The following CATSPERB variants were observed in gnomAD, a reference collection of about 807,000 sequenced individuals.
The protein encoded by CATSPERB is cation channel sperm-associated auxiliary subunit beta.
CATSPERB carries 93 observed loss-of-function variants against 128.3 expected under a neutral mutation model. That is an observed-to-expected ratio of 0.72 (90% CI 0.61 to 0.86). CATSPERB has a LOEUF of 0.86. Ranked by LOEUF, CATSPERB falls within the 40% of genes least tolerant of loss-of-function variation. The pLI is 0.00. For missense variants in CATSPERB, 1,153 were observed against 1,329.5 expected (o/e 0.87, Z 2.06); for synonymous variants, 381 against 448.8 (o/e 0.85, Z 1.91).
chr14:91,603,976 T>G (rs2139770837), intron 22 of CATSPERB, among the ~76,000 whole-genome samples: 1 of 151,922 alleles, frequency 6.6e-6, no homozygotes, highest in Non-Finnish European at 1.5e-5. Flanking sequence ...TTTTTTTTTT[T>G]TTTGTCTCTC....
Position 91,669,916 on chromosome 14 carries a change from T to A in CATSPERB, c.1185A>T (p.Ser395=). 1.9e-6 allele frequency: 3 copies of A among 1,613,530 alleles called. No homozygotes were observed. Among genetic ancestry groups the A allele is most frequent in the Non-Finnish European group, 2.5e-6 (3 of 1,179,832 alleles). Reference sequence around the variant, plus strand: ...ACCGAAAAATTGGAAATTTTGATTGTGAATTTGGTTCATTATTTCTCAGGG... The same window carrying A: ...ACCGAAAAATTGGAAATTTTGATTGAGAATTTGGTTCATTATTTCTCAGGG... ...VSTLRNNEPN[S]QSKFPIFRFP... is the part of the protein sequence containing the mutation. The change falls in exon 14 of 27, where the codon TCA becomes TCT. Residue 395 remains serine, a synonymous_variant. Transcript: ENST00000256343.
intron 16 of CATSPERB, among the ~76,000 whole-genome samples, chr14:91,637,441 A>T (rs2139803506): frequency 6.6e-6 from 1 of 152,290 alleles, no homozygotes; most frequent in East Asian, 1.9e-4. Flanking sequence ...TGAAATGGCT[A>T]AACATCTTTA....
chr14:91,707,295 A>G (rs1354206164), intron 6 of CATSPERB, among the ~76,000 whole-genome samples: 1 of 152,206 alleles, frequency 6.6e-6, no homozygotes, highest in Non-Finnish European at 1.5e-5. Context: ...ATACCTCAGT[A>G]CATTCTAAAC....
chr14:91,721,848 T>TA (rs774942210), intron 4 of CATSPERB, among the ~76,000 whole-genome samples: 1,241 of 112,250 alleles, frequency 0.011, 5 homozygotes, highest in Middle Eastern at 0.024. Flanking sequence ...AGACTCTGTC[T>TA]AAAAAAAAAA....
rs76457829 is a variant in CATSPERB, at chr14:91,607,284, C to T, written c.2709+1010G>A. ...GTAAAATAGGTAAAACCGTAGTAAG[C>T]GATATGGAGAAAAATAAGGCAGGGA... On this transcript the variant is annotated intron_variant, in intron 22 of 26. Transcript: ENST00000256343. 2.5e-3 allele frequency among the ~76,000 whole-genome samples: 385 copies of T among 151,714 alleles called. 3 individuals are homozygous for T. Among genetic ancestry groups the T allele is most frequent in the African/African-American group, 8.9e-3 (368 of 41,326 alleles).
At chr14:91,646,544 C>G (rs1028017326) in intron 15 of CATSPERB, among the ~76,000 whole-genome samples, 1 of 152,212 alleles carries the variant, frequency 6.6e-6, no homozygotes, top group Admixed American at 6.5e-5. Flanking sequence ...AGTCAAAATC[C>G]TTGCAATGCC....
chr14:91,595,356 A>T (rs1374858687), intron 22 of CATSPERB, among the ~76,000 whole-genome samples: 1 of 151,878 alleles, frequency 6.6e-6, no homozygotes, highest in African/African-American at 2.4e-5. Context: ...TTTAGTAGAG[A>T]TGGGGTTTTA....
intron 22 of CATSPERB, chr14:91,604,255 C>T: frequency 1.6e-6 from 1 of 630,760 alleles, no homozygotes; most frequent in Non-Finnish European, 2.8e-6. Flanking sequence ...ATACCCCACC[C>T]TCCATCACAT....
intron 26 of CATSPERB, among the ~76,000 whole-genome samples, chr14:91,582,769 C>T (rs1181039446): frequency 1.3e-5 from 2 of 152,240 alleles, no homozygotes; most frequent in Non-Finnish European, 2.9e-5. Flanking sequence ...TGAGGGACCA[C>T]ACCCTACGTC....
At chr14:91,630,915 G>C (rs1212760667) in intron 17 of CATSPERB, among the ~76,000 whole-genome samples, 1 of 151,860 alleles carries the variant, frequency 6.6e-6, no homozygotes. Context: ...GCCTTTCCAC[G>C]ACACCATCAC....
At chr14:91,677,740 A>G (rs1227785237) in intron 11 of CATSPERB, among the ~76,000 whole-genome samples, 2 of 152,198 alleles carry the variant, frequency 1.3e-5, no homozygotes, top group Non-Finnish European at 2.9e-5. Context: ...TCATTCTACT[A>G]TAAAGGCACA....
At chr14:91,670,000 T>G in intron 13 of CATSPERB, 28 bp from the exon 14 acceptor site, 2 of 1,598,960 alleles carry the variant, frequency 1.3e-6, no homozygotes, top group Non-Finnish European at 1.7e-6. Context: ...GAGCAAGTCA[T>G]AAGACTAGTC....
chr14:91,613,797 C>T (rs1893882618), intron 20 of CATSPERB, among the ~76,000 whole-genome samples: 1 of 152,114 alleles, frequency 6.6e-6, no homozygotes. Context: ...CCTAGAGTAG[C>T]CTTTTGCTCA....
intron 13 of CATSPERB, 67 bp downstream of exon 13, chr14:91,672,800 C>G (rs1895121104): frequency 2.5e-5 from 32 of 1,290,172 alleles, no homozygotes; most frequent in Non-Finnish European, 3.2e-5. Flanking sequence ...TTGAAAATAA[C>G]TTTTGCTAAG....
rs181703643 is a variant in CATSPERB, at chr14:91,684,778, C to T, written c.865-835G>A. On this transcript the variant is annotated intron_variant, in intron 10 of 26. Transcript: ENST00000256343. Reference sequence around the variant, plus strand: ...TATAGTCACACGCCACCACGCCTGGCTAATTTTTTTTGTATTTTAGTAGAG... The same window carrying T: ...TATAGTCACACGCCACCACGCCTGGTTAATTTTTTTTGTATTTTAGTAGAG... Among the ~76,000 whole-genome samples, 131 of 151,916 alleles carry T rather than the reference C, an allele frequency of 8.6e-4. 1 individual carries two copies. The highest frequency in any genetic ancestry group is 1.4e-3 in the Non-Finnish European group (95 of 67,962).
chr14:91,702,596 A>T (rs1895668165), intron 7 of CATSPERB, among the ~76,000 whole-genome samples: 1 of 150,516 alleles, frequency 6.6e-6, no homozygotes, highest in African/African-American at 2.4e-5. Context: ...TATGTTTGTT[A>T]TTCATGGTGT....
chr14:91,693,408 T>A lies in CATSPERB; in HGVS notation c.688A>T (p.Thr230Ser), dbSNP rs1281399898. 1 of 1,614,024 alleles carries A rather than the reference T, an allele frequency of 6.2e-7. No individual in the cohort carries two copies. Among genetic ancestry groups the A allele is most frequent in the East Asian group, 2.2e-5 (1 of 44,874 alleles). The change falls in exon 8 of 27, where the codon ACT (threonine) becomes TCT (serine). Residue 230 changes from threonine (T) to serine (S), a missense_variant. Coordinates refer to ENST00000256343, the MANE Select transcript of CATSPERB (RefSeq NM_024764.4). ...CCTTCTTGAAGTTGGGAATAGATAG[T>A]CTGTGTCATGTTAAACCATGTGGTA... ...YDTTWFNMTQ[T>S]IYSQLQEEYE...
At chr14:91,594,887 T>C (rs942002900) in intron 22 of CATSPERB, among the ~76,000 whole-genome samples, 6 of 152,246 alleles carry the variant, frequency 3.9e-5, no homozygotes, top group Admixed American at 6.5e-5. Context: ...GTTTAAGTTG[T>C]CTGGCTTCAG....
At position 91,624,829 on chromosome 14, in the gene CATSPERB, C is replaced by G. The variant is rs1894125948; in HGVS notation, c.1921G>C (p.Asp641His). 3 of 1,592,582 alleles carry G rather than the reference C, an allele frequency of 1.9e-6. No homozygotes were observed. Among genetic ancestry groups the G allele is most frequent in the Non-Finnish European group, 2.6e-6 (3 of 1,173,908 alleles). Residue 641 changes from aspartate (D) to histidine (H), a missense_variant, in exon 18 of 27, where the codon GAT becomes CAT. By Grantham distance (81) the Asp-to-His change is moderately conservative (BLOSUM62 -1). Transcript: ENST00000256343. Reference protein sequence around the residue: ...KAGNVYKLTLDSQVVQALFED... With the variant: ...KAGNVYKLTLHSQVVQALFED... The stretch of plus-strand genomic sequence containing the variant: ...ATATTATTATACCTACCTTGTGAAT[C>G]AAGAGTGAGTTTATAGACATTTCCA...
Sources: allele counts gnomAD v4.1 joint callset (sites outside exome capture counted in the v4.1 genomes callset), GRCh38; gene constraint gnomAD v4.1.1; transcripts MANE v1.5; gene names NCBI Gene and HGNC (gene_info 2026-07-23, HGNC 2026-07-21).